NCAPH: variants seen among roughly 807,000 people sequenced by gnomAD.
The protein encoded by NCAPH is condensin complex subunit 2.
Under a neutral mutation model 85.5 loss-of-function variants are expected in NCAPH, and 38 were observed. That is an observed-to-expected ratio of 0.44 (90% confidence interval 0.34 to 0.58). The LOEUF is 0.58. NCAPH is among the 20% of genes least tolerant of loss of function. The pLI is 0.01. For synonymous variants in NCAPH, 301 were observed against 335.1 expected (o/e 0.90, Z 1.11); for missense variants, 789 against 916.6 (o/e 0.86, Z 1.80).
intron 5 of NCAPH, 33 bp downstream of exon 5, chr2:96,343,337 C>T: frequency 1.3e-6 from 2 of 1,591,144 alleles, no homozygotes; most frequent in Non-Finnish European, 1.7e-6. Context: ...TTAAGTGGCT[C>T]TTTTTAGGGC....
intron 6 of NCAPH, among the ~76,000 whole-genome samples, chr2:96,347,398 G>A (rs111639884): frequency 2.7e-5 from 4 of 147,880 alleles, no homozygotes; most frequent in African/African-American, 9.7e-5. Context: ...GTAGAGATTT[G>A]GATAGGCAAA....
At chr2:96,364,977 T>C (rs1170251798) in intron 13 of NCAPH, among the ~76,000 whole-genome samples, 1 of 152,192 alleles carries the variant, frequency 6.6e-6, no homozygotes, top group Non-Finnish European at 1.5e-5. Flanking sequence ...TCACACCATA[T>C]GTGATCTGGT....
intron 1 of NCAPH, among the ~76,000 whole-genome samples, chr2:96,337,666 C>T (rs1238850312): frequency 1.3e-5 from 2 of 152,182 alleles, no homozygotes; most frequent in Non-Finnish European, 1.5e-5. Context: ...GATCTGCCCG[C>T]CTCAGCCTCC....
intron 12 of NCAPH, among the ~76,000 whole-genome samples, chr2:96,362,507 A>G (rs1184967854): frequency 6.6e-6 from 1 of 152,134 alleles, no homozygotes; most frequent in African/African-American, 2.4e-5. Context: ...GTGCAGGCCT[A>G]TAGTCCTGGC....
chr2:96,345,492 G>A (rs936733914), intron 6 of NCAPH, among the ~76,000 whole-genome samples: 2 of 152,214 alleles, frequency 1.3e-5, no homozygotes, highest in African/African-American at 2.4e-5. Flanking sequence ...ACACTGCTGG[G>A]TGACGCTCTC....
rs532959074 is a variant in NCAPH, at chr2:96,358,707, A to G, written c.1209-338A>G. ...GTGGTCTCGATCTCCTGACCTTGTG[A>G]TCCGCCCGCCTTGGCCTCCCAAAGT... is the stretch of plus-strand genomic sequence containing the variant. On this transcript the variant is annotated intron_variant, in intron 9 of 17. Transcript: ENST00000240423. Among the ~76,000 whole-genome samples the G allele has an allele frequency of 9.9e-5, 15 of 152,214 alleles. No homozygotes were observed. In the South Asian group the frequency reaches 3.1e-3, roughly 32 times the overall value.
rs1395097377 is a variant in NCAPH, at chr2:96,373,286, C to T, written c.2167-6C>T. ...AAAGTCCATGCATGTTTTGGTCTTC[C>T]CTCAGAATCTAAAACTGGAAGGAAC... On this transcript the variant is annotated splice_polypyrimidine_tract_variant and splice_region_variant and intron_variant, in intron 17 of 17. Coordinates refer to ENST00000240423, the MANE Select transcript of NCAPH (RefSeq NM_015341.5). The T allele has an allele frequency of 1.9e-6, 3 of 1,613,060 alleles. No individual in the cohort carries two copies. The highest frequency in any genetic ancestry group is 2.2e-5 in the East Asian group (1 of 44,868).
chr2:96,337,081 G>A (rs1392013363), intron 1 of NCAPH, among the ~76,000 whole-genome samples: 1 of 152,234 alleles, frequency 6.6e-6, no homozygotes, highest in Non-Finnish European at 1.5e-5. Flanking sequence ...TGAAAAATGA[G>A]TGGGAAATGA....
chr2:96,344,079 G>C, intron 5 of NCAPH, 26 bp from the exon 6 acceptor site: 1 of 1,598,826 alleles, frequency 6.3e-7, no homozygotes, highest in Non-Finnish European at 8.5e-7. Context: ...AGCCCTTGCA[G>C]TACGCAATTG....
At chr2:96,364,365 A>G (rs540107424) in intron 12 of NCAPH, 116 bp from the exon 13 acceptor site, 1 of 671,218 alleles carries the variant, frequency 1.5e-6, no homozygotes, top group Non-Finnish European at 2.5e-6. Flanking sequence ...GGCCCTTCTG[A>G]CTCTAAAATT....
Position 96,373,312 on chromosome 2 carries a change from A to G in NCAPH, c.2187A>G (p.Thr729=). The G allele has an allele frequency of 6.2e-7, 1 of 1,614,100 alleles. No individual in the cohort carries two copies. The highest frequency in any genetic ancestry group is 8.5e-7 in the Non-Finnish European group (1 of 1,179,960). The change falls in exon 18 of 18, where the codon ACA becomes ACG. Residue 729 remains threonine (T), a synonymous_variant. Transcript: ENST00000240423. ...ANEKNLKLEG[T]EDLSDVLVRQ... Reference sequence around the variant, plus strand: ...CTCAGAATCTAAAACTGGAAGGAACAGAGGACCTCTCTGATGTTCTTGTGA... The same window carrying G: ...CTCAGAATCTAAAACTGGAAGGAACGGAGGACCTCTCTGATGTTCTTGTGA...
intron 9 of NCAPH, among the ~76,000 whole-genome samples, chr2:96,354,818 A>G (rs980110762): frequency 6.6e-6 from 1 of 152,184 alleles, no homozygotes; most frequent in Non-Finnish European, 1.5e-5. Context: ...GTTTGTAAGG[A>G]TTAGAACAAT....
chr2:96,348,158 A>G (rs2104439802), intron 6 of NCAPH, among the ~76,000 whole-genome samples: 1 of 149,968 alleles, frequency 6.7e-6, no homozygotes, highest in South Asian at 2.1e-4. Context: ...TCGGTTTTAT[A>G]TTAGTGAATC....
intron 17 of NCAPH, among the ~76,000 whole-genome samples, chr2:96,372,743 C>G (rs1234438060): frequency 6.6e-6 from 1 of 151,986 alleles, no homozygotes; most frequent in Non-Finnish European, 1.5e-5. Flanking sequence ...CTTAATTTTT[C>G]TATTTTATTA....
intron 1 of NCAPH, among the ~76,000 whole-genome samples, chr2:96,340,896 C>T (rs914455636): frequency 6.6e-6 from 1 of 151,178 alleles, no homozygotes. Flanking sequence ...TAACTTGTTC[C>T]TTGACCCCTT....
chr2:96,370,945 G>C (rs2064764811), intron 17 of NCAPH, among the ~76,000 whole-genome samples: 1 of 152,210 alleles, frequency 6.6e-6, no homozygotes, highest in African/African-American at 2.4e-5. Context: ...TGACTGCGGA[G>C]AGAGGACATG....
At chr2:96,337,063 G>C (rs962150675) in intron 1 of NCAPH, among the ~76,000 whole-genome samples, 1 of 152,234 alleles carries the variant, frequency 6.6e-6, no homozygotes, top group African/African-American at 2.4e-5. Flanking sequence ...AACCAGACCA[G>C]AGTGGGTTGA....
chr2:96,354,223 A>G lies in NCAPH; in HGVS notation c.1043A>G (p.Gln348Arg). The G allele has an allele frequency of 6.2e-7, 1 of 1,614,170 alleles. No homozygotes were observed. Among genetic ancestry groups the G allele is most frequent in the Non-Finnish European group, 8.5e-7 (1 of 1,180,034 alleles). The change falls in exon 9 of 18, where the codon CAG becomes CGG. Residue 348 changes from glutamine to arginine, a missense_variant. Gln to Arg is a conservative substitution (Grantham distance 43). Coordinates refer to ENST00000240423, the MANE Select transcript of NCAPH (RefSeq NM_015341.5). ...ALVDKFKKND[Q>R]VFDINAEVDE... ...GTAGACAAGTTTAAGAAGAATGACC[A>G]GGTATTTGACATCAATGCTGAAGTT...
chr2:96,365,707 C>T (rs1352445950), intron 13 of NCAPH, among the ~76,000 whole-genome samples, 169 bp from the exon 14 acceptor site: 1 of 152,170 alleles, frequency 6.6e-6, no homozygotes, highest in East Asian at 1.9e-4. Context: ...ATAGGGTTTA[C>T]GTGAAACAGG....
Sources: allele counts gnomAD v4.1 joint callset (sites outside exome capture counted in the v4.1 genomes callset), GRCh38; gene constraint gnomAD v4.1.1; transcripts MANE v1.5; gene names NCBI Gene and HGNC (gene_info 2026-07-23, HGNC 2026-07-21).